DIAPH2: variants seen among roughly 807,000 people sequenced by gnomAD.
The protein encoded by DIAPH2 is diaphanous related formin 2, also known as protein diaphanous homolog 2.
A neutral mutation model predicts 92.7 loss-of-function variants in DIAPH2; 35 were observed. The ratio of observed to expected loss-of-function variants is 0.38; its 90% CI spans 0.29 to 0.50. DIAPH2 has a LOEUF of 0.50. Ranked by LOEUF, DIAPH2 falls within the 20% of genes least tolerant of loss-of-function variation. DIAPH2 has a pLI of 0.94. For synonymous variants in DIAPH2, 301 were observed against 280.4 expected (o/e 1.07, Z -0.73); for missense variants, 701 against 819.5 (o/e 0.86, Z 1.77).
intron 12 of DIAPH2, among the ~76,000 whole-genome samples, chrX:96,939,596 GTATA>G (rs2065686699): frequency 2.7e-5 from 1 of 37,163 alleles, no homozygotes; most frequent in Non-Finnish European, 7.2e-5. Context: ...GTGTGTGTGT[GTATA>G]TACACACACA....
At chrX:97,539,658 T>G (rs747767025) in intron 26 of DIAPH2, among the ~76,000 whole-genome samples, 19 of 112,318 alleles carry the variant, frequency 1.7e-4, no homozygotes, top group Non-Finnish European at 3.4e-4. Context: ...TTCATTCATT[T>G]AATTTTGGCA....
intron 17 of DIAPH2, among the ~76,000 whole-genome samples, chrX:96,985,538 ACT>A (rs199991406): frequency 0.023 from 2,560 of 110,660 alleles, 72 homozygotes; most frequent in African/African-American, 0.081. Flanking sequence ...TTCCTTATAT[ACT>A]GTTATATAAG....
At chrX:97,572,318 C>A (rs899084658) in intron 26 of DIAPH2, among the ~76,000 whole-genome samples, 1 of 111,282 alleles carries the variant, frequency 9.0e-6, no homozygotes, top group Admixed American at 9.6e-5. Flanking sequence ...TTAATGCCTT[C>A]TTTTCCTGTA....
chrX:96,892,022 A>G (rs2065310518), intron 5 of DIAPH2, among the ~76,000 whole-genome samples: 1 of 112,569 alleles, frequency 8.9e-6, no homozygotes. Flanking sequence ...TTTTAACATA[A>G]TCATAATGAA....
intron 17 of DIAPH2, among the ~76,000 whole-genome samples, chrX:97,006,774 A>G (rs1410218231): frequency 9.0e-6 from 1 of 111,592 alleles, no homozygotes; most frequent in Non-Finnish European, 1.9e-5. Context: ...ATTCAATGTT[A>G]TTATTGATAA....
chrX:97,436,524 G>A (rs1237465420), intron 26 of DIAPH2, among the ~76,000 whole-genome samples: 1 of 111,832 alleles, frequency 8.9e-6, no homozygotes, highest in African/African-American at 3.2e-5. Context: ...AGAACAGATA[G>A]GGGACAAGAA....
intron 23 of DIAPH2, among the ~76,000 whole-genome samples, chrX:97,268,642 G>T (rs1023489006): frequency 3.6e-5 from 4 of 111,501 alleles, no homozygotes; most frequent in Non-Finnish European, 7.5e-5. Context: ...GCCACATCTT[G>T]CTCAAGTTTA....
At chrX:96,987,267 G>A (rs2066038676) in intron 17 of DIAPH2, among the ~76,000 whole-genome samples, 1 of 111,845 alleles carries the variant, frequency 8.9e-6, no homozygotes, top group Non-Finnish European at 1.9e-5. Context: ...CTAATTTGCT[G>A]TAGAAATGAG....
chrX:96,869,990 T>G (rs935585840), intron 4 of DIAPH2, among the ~76,000 whole-genome samples: 1 of 110,766 alleles, frequency 9.0e-6, no homozygotes, highest in Non-Finnish European at 1.9e-5. Flanking sequence ...TTTCCCTTTT[T>G]GTTATAATCC....
intron 4 of DIAPH2, among the ~76,000 whole-genome samples, chrX:96,785,186 A>G (rs2064445795): frequency 1.8e-5 from 2 of 111,769 alleles, no homozygotes; most frequent in East Asian, 2.8e-4. Context: ...CTGCTAAGCT[A>G]TTGGAGAGAC....
At chrX:96,767,637 TTTG>T (rs772341822) in intron 4 of DIAPH2, among the ~76,000 whole-genome samples, 7 of 111,373 alleles carry the variant, frequency 6.3e-5, no homozygotes, top group South Asian at 3.8e-4. Flanking sequence ...AGCTGCCTTT[TTTG>T]TTGTTGTTCA....
intron 22 of DIAPH2, among the ~76,000 whole-genome samples, chrX:97,162,553 G>A (rs2067382027): frequency 9.0e-6 from 1 of 111,457 alleles, no homozygotes; most frequent in Non-Finnish European, 1.9e-5. Flanking sequence ...TACCCAGGCT[G>A]GAGTGCAGTG....
intron 25 of DIAPH2, among the ~76,000 whole-genome samples, chrX:97,394,987 G>A (rs745842379): frequency 1.3e-4 from 14 of 111,538 alleles, no homozygotes; most frequent in African/African-American, 4.6e-4. Flanking sequence ...TCTGATCCTC[G>A]AGGACAGAGA....
intron 16 of DIAPH2, among the ~76,000 whole-genome samples, chrX:96,958,980 G>A (rs188922303): frequency 2.2e-4 from 25 of 111,339 alleles, no homozygotes; most frequent in Admixed American, 7.6e-4. Flanking sequence ...CCATTCATCC[G>A]TTGATGGACA....
chrX:97,501,977 C>T (rs764717474), intron 26 of DIAPH2, among the ~76,000 whole-genome samples: 3 of 111,020 alleles, frequency 2.7e-5, no homozygotes, highest in South Asian at 3.8e-4. Flanking sequence ...TAATTTTTGT[C>T]TCTTTAGTAG....
intron 4 of DIAPH2, among the ~76,000 whole-genome samples, chrX:96,875,656 G>C (rs759011784): frequency 1.8e-5 from 2 of 111,113 alleles, no homozygotes; most frequent in South Asian, 7.5e-4. Context: ...GACACAATAT[G>C]AAGTTAACCT....
chrX:96,716,933 T>A (rs6620138), intron 1 of DIAPH2, among the ~76,000 whole-genome samples: 24,013 of 110,780 alleles, frequency 0.22, 1,990 homozygotes, highest in East Asian at 0.32. Context: ...TTGATTTGAG[T>A]ACTTAAGAGC....
chrX:96,899,528 C>T (rs1258382626), intron 5 of DIAPH2, among the ~76,000 whole-genome samples: 139 of 110,765 alleles, frequency 1.3e-3, no homozygotes, highest in African/African-American at 2.5e-3. Context: ...GCTCTCTGTT[C>T]GTCTGTTTTT....
At chrX:97,195,015 A>T (rs2067689862) in intron 22 of DIAPH2, among the ~76,000 whole-genome samples, 1 of 112,095 alleles carries the variant, frequency 8.9e-6, no homozygotes, top group Admixed American at 9.5e-5. Flanking sequence ...AATAAAATGA[A>T]TCAATAAAGG....
Sources: allele counts gnomAD v4.1 joint callset (sites outside exome capture counted in the v4.1 genomes callset), GRCh38; gene constraint gnomAD v4.1.1; transcripts MANE v1.5; gene names NCBI Gene and HGNC (gene_info 2026-07-23, HGNC 2026-07-21).